Variants in PHKB observed in about 807,000 individuals in gnomAD.
PHKB encodes the protein phosphorylase b kinase regulatory subunit beta.
In PHKB, 122 loss-of-function variants were observed where a neutral mutation model predicts 152.1. The observed-to-expected ratio is 0.80, with a 90% confidence interval of 0.69 to 0.93. The LOEUF (loss-of-function observed/expected upper bound fraction) is 0.93, where lower values mean the gene tolerates loss of function less well. PHKB is among the 40% of genes least tolerant of loss of function. The pLI, the probability that PHKB is intolerant of heterozygous loss-of-function variation, is 0.00. For missense variants in PHKB, 1,304 were observed against 1,328.4 expected, an observed-to-expected ratio of 0.98 and a Z score of 0.29; for synonymous variants, 436 against 464.9, an observed-to-expected ratio of 0.94 and a Z score of 0.80.
In PHKB at chr16:47,500,791, A is replaced by G. The variant is rs1567281153; in HGVS notation, c.305+897A>G. Among the ~76,000 whole-genome samples the G allele has an allele frequency of 2.0e-5, 3 of 152,212 alleles. No homozygotes were observed. The South Asian group carries it at 6.2e-4, about 32-fold the overall frequency. On this transcript the variant is annotated intron_variant, in intron 3 of 30. Transcript: ENST00000323584. ...AAGCACTGAATGTGGATGCTAACACATAATTGTAATACATTTTAACCATAA... is the reference window on the plus strand; with the variant it reads ...AAGCACTGAATGTGGATGCTAACACGTAATTGTAATACATTTTAACCATAA...
At position 47,556,450 on chromosome 16, in the gene PHKB, C is replaced by T. The variant is rs138178695; in HGVS notation, c.710+8902C>T. Among the ~76,000 whole-genome samples the T allele has an allele frequency of 1.2e-4, 18 of 152,276 alleles. 1 individual carries two copies. The East Asian group carries it at 3.3e-3, about 28-fold the overall frequency. ...TATTTTGAGATATGTCTCATCAATA[C>T]CTAATTTATTGAGAGTTTTTAGCAT... On this transcript the variant is annotated intron_variant, in intron 7 of 30. Coordinates refer to ENST00000323584, the MANE Select transcript of PHKB (RefSeq NM_000293.3).
chr16:47,578,078 CT>C (rs1971779806), intron 7 of PHKB, among the ~76,000 whole-genome samples: 1 of 152,096 alleles, frequency 6.6e-6, no homozygotes, highest in Non-Finnish European at 1.5e-5. Flanking sequence ...TTTGTTTATT[CT>C]TTCCTCTGTC....
intron 1 of PHKB, among the ~76,000 whole-genome samples, chr16:47,485,985 GA>G (rs200027064): frequency 3.3e-5 from 5 of 150,272 alleles, no homozygotes; most frequent in African/African-American, 7.3e-5. Flanking sequence ...GTAGTAAAAA[GA>G]AAAAAAAAGT....
At chr16:47,576,880 T>C (rs1239895236) in intron 7 of PHKB, among the ~76,000 whole-genome samples, 1 of 152,158 alleles carries the variant, frequency 6.6e-6, no homozygotes, top group East Asian at 1.9e-4. Flanking sequence ...AATACATAGG[T>C]GAGCCATATT....
chr16:47,465,846 A>G (rs2151625745), intron 1 of PHKB, among the ~76,000 whole-genome samples: 1 of 152,268 alleles, frequency 6.6e-6, no homozygotes, highest in Middle Eastern at 3.4e-3. Context: ...CTTTATAGGC[A>G]TATGTTTTAT....
intron 5 of PHKB, among the ~76,000 whole-genome samples, chr16:47,513,482 GGACCTTGACAA>G (rs894413856): frequency 6.6e-6 from 1 of 152,146 alleles, no homozygotes; most frequent in Non-Finnish European, 1.5e-5. Flanking sequence ...TGGCCCACTT[GGACCTTGACAA>G]GACCCTGATA....
chr16:47,465,745 G>A (rs116486004), intron 1 of PHKB, among the ~76,000 whole-genome samples: 1 of 152,044 alleles, frequency 6.6e-6, no homozygotes, highest in Non-Finnish European at 1.5e-5. Flanking sequence ...ACTCTGAGTG[G>A]TTTGCATTTA....
intron 25 of PHKB, among the ~76,000 whole-genome samples, chr16:47,668,253 A>G (rs1162055337): frequency 1.3e-5 from 2 of 152,134 alleles, no homozygotes; most frequent in African/African-American, 4.8e-5. Context: ...TTACACACTG[A>G]CATTTTAATA....
rs200836150 is a variant in PHKB, at chr16:47,693,470, C to G, written c.2858C>G (p.Pro953Arg). 1 of 1,614,040 alleles carries G rather than the reference C, an allele frequency of 6.2e-7. No individual in the cohort carries two copies. Among genetic ancestry groups the G allele is most frequent in the Non-Finnish European group, 8.5e-7 (1 of 1,179,984 alleles). ...DRVWQILERT[P>R]NGIIVAGKHL... The stretch of plus-strand genomic sequence containing the variant: ...GTGTGGCAGATTCTGGAGCGCACGC[C>G]CAATGGGATCATTGTTGCTGGGAAG... The change falls in exon 28 of 31, where the codon CCC (proline) becomes CGC (arginine). Residue 953 changes from proline to arginine, a missense_variant. Physicochemically the swap from Pro to Arg is moderately radical, Grantham distance 103. Coordinates refer to ENST00000323584, the MANE Select transcript of PHKB (RefSeq NM_000293.3).
At chr16:47,698,627 AT>A (rs774751334) in intron 30 of PHKB, 39 bp downstream of exon 30, 2 of 1,202,860 alleles carry the variant, frequency 1.7e-6, no homozygotes, top group Admixed American at 5.0e-5. Flanking sequence ...TTTTTTGAGA[AT>A]TTTTTCATTG....
chr16:47,658,269 C>T (rs1278249427), intron 20 of PHKB, among the ~76,000 whole-genome samples: 14 of 152,128 alleles, frequency 9.2e-5, no homozygotes, highest in African/African-American at 3.4e-4. Flanking sequence ...TCCTTCAGAT[C>T]CATATCATTG....
intron 6 of PHKB, among the ~76,000 whole-genome samples, chr16:47,530,743 C>G (rs550653849): frequency 6.6e-6 from 1 of 152,116 alleles, no homozygotes; most frequent in African/African-American, 2.4e-5. Context: ...CTCTAAAGTA[C>G]CTGGGAAAGA....
chr16:47,471,916 T>A (rs1171748723), intron 1 of PHKB, among the ~76,000 whole-genome samples: 3 of 151,794 alleles, frequency 2.0e-5, no homozygotes, highest in Non-Finnish European at 4.4e-5. Flanking sequence ...ATTAGCCGGG[T>A]ATGGTGGCGG....
intron 20 of PHKB, among the ~76,000 whole-genome samples, chr16:47,654,045 CATT>C (rs1051157831): frequency 6.6e-6 from 1 of 152,186 alleles, no homozygotes; most frequent in African/African-American, 2.4e-5. Context: ...TAGTAGATAA[CATT>C]ATCCAGAACC....
chr16:47,699,316 C>T lies in PHKB; in HGVS notation c.3232C>T (p.Leu1078=), dbSNP rs774791870. The change falls in exon 31 of 31, where the codon CTG becomes TTG. Residue 1078 remains leucine, a synonymous_variant. Transcript: ENST00000323584. ...GACAAAGGCGGTGATGAATCTGCTG[C>T]TGGAAGGAGAAGTCAAGCCAAACAA... ...YLTKAVMNLL[L]EGEVKPNNDD... The T allele has an allele frequency of 1.9e-6, 3 of 1,614,128 alleles. No individual in the cohort carries two copies. The South Asian group carries it at 3.3e-5, about 18-fold the overall frequency.
At chr16:47,647,963 C>T (rs947464850) in intron 16 of PHKB, among the ~76,000 whole-genome samples, 1 of 151,958 alleles carries the variant, frequency 6.6e-6, no homozygotes, top group East Asian at 1.9e-4. Flanking sequence ...ATCTTGGTGC[C>T]CCTTAGGGAT....
At chr16:47,558,948 T>C (rs1013555067) in intron 7 of PHKB, among the ~76,000 whole-genome samples, 6 of 152,234 alleles carry the variant, frequency 3.9e-5, no homozygotes, top group Non-Finnish European at 1.5e-5. Context: ...ACTGGCTACA[T>C]TGTGTTTCTA....
intron 7 of PHKB, among the ~76,000 whole-genome samples, chr16:47,578,020 T>C (rs2151691453): frequency 6.6e-6 from 1 of 152,278 alleles, no homozygotes; most frequent in South Asian, 2.1e-4. Context: ...CCATTCTATT[T>C]TCTTTGTTTT....
At chr16:47,649,045 C>T in intron 17 of PHKB, 55 bp from the exon 18 acceptor site, 2 of 934,402 alleles carry the variant, frequency 2.1e-6, no homozygotes, top group Non-Finnish European at 1.8e-6. Context: ...CAGCACTGCA[C>T]CTTTGCCTTT....
Sources: gnomAD v4.1 joint callset for allele counts (sites outside exome capture counted in the v4.1 genomes callset) on GRCh38, gnomAD v4.1.1 for gene constraint, MANE v1.5 for transcripts, NCBI Gene and HGNC (gene_info 2026-07-23, HGNC 2026-07-21) for gene names.